THADA: variants seen among roughly 807,000 people sequenced by gnomAD.
THADA encodes the protein tRNA (32-2'-O)-methyltransferase regulator THADA.
Under a neutral mutation model 219.8 loss-of-function variants are expected in THADA, and 213 were observed. That is an observed-to-expected ratio of 0.97 (90% CI 0.87 to 1.09). The LOEUF (loss-of-function observed/expected upper bound fraction) is 1.09, where lower values mean the gene tolerates loss of function less well. THADA is among the 50% of genes least tolerant of loss of function. The pLI is 0.00. For missense variants in THADA, 2,956 were observed against 2,311.3 expected, an observed-to-expected ratio of 1.28 and a Z score of -5.72; for synonymous variants, 1,018 against 828.9, an observed-to-expected ratio of 1.23 and a Z score of -3.92.
In THADA at chr2:43,356,626, T is replaced by C. The variant is rs1406643851; in HGVS notation, c.4228-12389A>G. Among the ~76,000 whole-genome samples the C allele has an allele frequency of 6.6e-5, 10 of 152,182 alleles. 1 individual carries two copies. Among genetic ancestry groups the C allele is most frequent in the Non-Finnish European group, 1.3e-4 (9 of 68,010 alleles). ...AAACTTTCTCAATTCAAAGCACCTT[T>C]AGTACCTCACTAATTTTTTCAGGGT... On this transcript the variant is annotated intron_variant, in intron 29 of 37. Coordinates refer to ENST00000405975, the MANE Select transcript of THADA (RefSeq NM_022065.5).
intron 29 of THADA, among the ~76,000 whole-genome samples, chr2:43,368,639 C>T (rs2104614360): frequency 6.6e-6 from 1 of 151,896 alleles, no homozygotes; most frequent in East Asian, 1.9e-4. Context: ...CTCAAGTGAT[C>T]CTCTTGTCTC....
chr2:43,386,305 A>G, intron 29 of THADA, among the ~76,000 whole-genome samples: 1 of 152,206 alleles, frequency 6.6e-6, no homozygotes, highest in Non-Finnish European at 1.5e-5. Context: ...GAGAAATTCA[A>G]GTAAGATTTA....
At chr2:43,542,225 G>A (rs1037241035) in intron 20 of THADA, among the ~76,000 whole-genome samples, 17 of 152,034 alleles carry the variant, frequency 1.1e-4, no homozygotes, top group African/African-American at 3.4e-4. Flanking sequence ...AAAGCCCAAT[G>A]CATTAAATGG....
chr2:43,299,595 G>C (rs528131362), intron 31 of THADA, among the ~76,000 whole-genome samples: 1 of 152,224 alleles, frequency 6.6e-6, no homozygotes, highest in Non-Finnish European at 1.5e-5. Flanking sequence ...CCAAGAGGCG[G>C]AGTTTGCAGT....
At chr2:43,256,962 A>C (rs538799158) in intron 36 of THADA, among the ~76,000 whole-genome samples, 1 of 152,332 alleles carries the variant, frequency 6.6e-6, no homozygotes, top group African/African-American at 2.4e-5. Context: ...GTAGAGCCAA[A>C]TAGCTCAGGA....
chr2:43,455,502 TCG>T (rs1164846778), intron 26 of THADA, among the ~76,000 whole-genome samples: 4 of 131,594 alleles, frequency 3.0e-5, no homozygotes, highest in South Asian at 2.7e-4. Flanking sequence ...GCACGTGCTC[TCG>T]CTCTCTCTCT....
intron 21 of THADA, among the ~76,000 whole-genome samples, chr2:43,537,843 A>T (rs113795915): frequency 6.6e-6 from 1 of 151,670 alleles, no homozygotes; most frequent in Non-Finnish European, 1.5e-5. Context: ...TATAGTCCCA[A>T]ATATTTGGGA....
intron 36 of THADA, 34 bp downstream of exon 36, chr2:43,279,731 G>C: frequency 6.5e-7 from 1 of 1,539,560 alleles, no homozygotes; most frequent in Non-Finnish European, 8.7e-7. Flanking sequence ...ATCCTGCAGC[G>C]ATAAGACAAT....
chr2:43,236,412 G>C (rs1274531892), intron 36 of THADA, among the ~76,000 whole-genome samples: 1 of 152,218 alleles, frequency 6.6e-6, no homozygotes, highest in East Asian at 1.9e-4. Context: ...GAACTGCCTA[G>C]ATCTCTACTG....
rs1347547779 is a variant in THADA, at chr2:43,297,792, C to T, written c.4439-4579G>A. 2.2e-3 allele frequency among the ~76,000 whole-genome samples: 275 copies of T among 125,248 alleles called. 6 individuals are homozygous for T. Among genetic ancestry groups the T allele is most frequent in the Non-Finnish European group, 3.9e-3 (228 of 58,630 alleles). The allele number at this position is 125,248 out of a possible 152,430, so 82.2% of individuals were successfully genotyped here. The stretch of plus-strand genomic sequence containing the variant: ...GGAGGTGGGGGGGTCGGCCCCCCGC[C>T]CGGCCAGCCGCCCCGTCCGGGAGGG... On this transcript the variant is annotated intron_variant, in intron 31 of 37. Transcript: ENST00000405975.
intron 36 of THADA, among the ~76,000 whole-genome samples, chr2:43,239,215 C>T (rs1668369588): frequency 6.6e-6 from 1 of 152,328 alleles, no homozygotes; most frequent in South Asian, 2.1e-4. Context: ...GCCTTCAGGG[C>T]TGCTGCAGTA....
At chr2:43,427,371 G>A (rs1573589323) in intron 28 of THADA, among the ~76,000 whole-genome samples, 1 of 152,126 alleles carries the variant, frequency 6.6e-6, no homozygotes, top group Admixed American at 6.5e-5. Context: ...AGCAGACAGG[G>A]CTCAAAGAAA....
At chr2:43,500,015 CCT>C (rs1688738773) in intron 24 of THADA, among the ~76,000 whole-genome samples, 1 of 151,794 alleles carries the variant, frequency 6.6e-6, no homozygotes, top group African/African-American at 2.4e-5. Flanking sequence ...GAAATAAACC[CCT>C]GACATGACTA....
chr2:43,362,705 A>G (rs1041273469), intron 29 of THADA, among the ~76,000 whole-genome samples: 8 of 152,158 alleles, frequency 5.3e-5, no homozygotes, highest in African/African-American at 9.7e-5. Context: ...ATTTTCTTCA[A>G]TAATACATTA....
At chr2:43,482,325 G>A (rs1686325241) in intron 26 of THADA, among the ~76,000 whole-genome samples, 1 of 152,028 alleles carries the variant, frequency 6.6e-6, no homozygotes, top group Admixed American at 6.5e-5. Context: ...CACTTACAAA[G>A]GATCCTCTGC....
chr2:43,330,218 AGC>A (rs1202497367), intron 30 of THADA, among the ~76,000 whole-genome samples: 1 of 152,198 alleles, frequency 6.6e-6, no homozygotes, highest in African/African-American at 2.4e-5. Flanking sequence ...AGGAACGCAG[AGC>A]CTGCGGACTG....
intron 25 of THADA, among the ~76,000 whole-genome samples, chr2:43,493,087 A>C (rs748186515): frequency 6.6e-6 from 1 of 152,190 alleles, no homozygotes; most frequent in Non-Finnish European, 1.5e-5. Context: ...CAGAGTAGCC[A>C]TGGCATGGCA....
At chr2:43,302,164 A>T (rs1294026564) in intron 31 of THADA, among the ~76,000 whole-genome samples, 1 of 152,068 alleles carries the variant, frequency 6.6e-6, no homozygotes, top group Non-Finnish European at 1.5e-5. Flanking sequence ...CACCACACCC[A>T]TCTGAAACCT....
intron 26 of THADA, among the ~76,000 whole-genome samples, chr2:43,439,121 G>A (rs1046354495): frequency 2.6e-5 from 4 of 152,274 alleles, no homozygotes; most frequent in South Asian, 2.1e-4. Flanking sequence ...CACAGAAAGC[G>A]AAACCATAGA....
Sources: gnomAD v4.1 joint callset for allele counts (sites outside exome capture counted in the v4.1 genomes callset) on GRCh38, gnomAD v4.1.1 for gene constraint, MANE v1.5 for transcripts, NCBI Gene and HGNC (gene_info 2026-07-23, HGNC 2026-07-21) for gene names.